Variants in SLC27A4 observed in about 807,000 individuals in gnomAD.
The protein encoded by SLC27A4 is solute carrier family 27 member 4, also known as long-chain fatty acid transport protein 4.
Under a neutral mutation model 64.4 loss-of-function variants are expected in SLC27A4, and 33 were observed. That is an observed-to-expected ratio of 0.51 (90% CI 0.39 to 0.68). SLC27A4 has a LOEUF of 0.68. SLC27A4 is among the 30% of genes least tolerant of loss of function. The pLI, the probability that SLC27A4 is intolerant of heterozygous loss-of-function variation, is 0.00. For missense variants in SLC27A4, 824 were observed against 883.5 expected (o/e 0.93, Z 0.85); for synonymous variants, 377 against 370.0 (o/e 1.02, Z -0.22).
At chr9:128,358,472 C>T (rs1231952425) in intron 12 of SLC27A4, among the ~76,000 whole-genome samples, 1 of 152,134 alleles carries the variant, frequency 6.6e-6, no homozygotes, top group East Asian at 1.9e-4. Context: ...GAGATGGAGT[C>T]TTGCTCTATC....
chr9:128,352,265 G>A (rs1832748364), intron 6 of SLC27A4, among the ~76,000 whole-genome samples: 1 of 152,170 alleles, frequency 6.6e-6, no homozygotes, highest in Admixed American at 6.5e-5. Context: ...GTGTGTGGCA[G>A]TGTCCCACGG....
In SLC27A4 at chr9:128,343,212, T is replaced by A. The variant is rs762577878; in HGVS notation, c.80T>A (p.Phe27Tyr). ...VLKLPWTQVG[F>Y]SLLFLYLGSG... Reference sequence around the variant, plus strand: ...AAACTGCCCTGGACCCAGGTGGGATTCTCCCTGTTGTTCCTCTACTTGGGA... The same window carrying A: ...AAACTGCCCTGGACCCAGGTGGGATACTCCCTGTTGTTCCTCTACTTGGGA... The change falls in exon 2 of 13, where the codon TTC becomes TAC. Residue 27 changes from phenylalanine (F) to tyrosine (Y), a missense_variant. Transcript: ENST00000300456. 1 of 1,614,072 alleles carries A rather than the reference T, an allele frequency of 6.2e-7. No homozygotes were observed. Among genetic ancestry groups the A allele is most frequent in the Non-Finnish European group, 8.5e-7 (1 of 1,180,032 alleles).
intron 1 of SLC27A4, chr9:128,342,791 A>G (rs1447812605): frequency 6.6e-6 from 3 of 453,326 alleles, no homozygotes; most frequent in African/African-American, 6.0e-5. Context: ...GTCTCACTAC[A>G]CCCATTGCAC....
intron 12 of SLC27A4, among the ~76,000 whole-genome samples, chr9:128,357,812 G>A (rs1423679738): frequency 1.3e-5 from 2 of 152,210 alleles, no homozygotes; most frequent in Admixed American, 1.3e-4. Context: ...CGTCATATCA[G>A]TCCTGCCTTG....
intron 1 of SLC27A4, chr9:128,342,231 C>T (rs997372477): frequency 6.8e-6 from 11 of 1,610,026 alleles, no homozygotes; most frequent in Non-Finnish European, 9.3e-6. Flanking sequence ...CCTCCGCAAC[C>T]ATGTCTGACA....
chr9:128,360,412 T>A lies in SLC27A4; in HGVS notation c.1853T>A (p.Leu618Gln). ...ATTGTGAAAGACCCGCTGTTCTATC[T>A]AGATGCCCAGAAGGGCCGCTACGTC... ...PAIVKDPLFY[L>Q]DAQKGRYVPL... Residue 618 changes from leucine to glutamine, a missense_variant, in exon 13 of 13, where the codon CTA becomes CAA. Coordinates refer to ENST00000300456, the MANE Select transcript of SLC27A4 (RefSeq NM_005094.4). The A allele has an allele frequency of 1.9e-6, 3 of 1,614,114 alleles. No homozygotes were observed. Among genetic ancestry groups the A allele is most frequent in the Non-Finnish European group, 2.5e-6 (3 of 1,180,016 alleles).
At chr9:128,347,398 G>A (rs1422577088) in intron 3 of SLC27A4, among the ~76,000 whole-genome samples, 1 of 152,148 alleles carries the variant, frequency 6.6e-6, no homozygotes, top group Non-Finnish European at 1.5e-5. Context: ...CCACACTGTT[G>A]TGGTTGTGGG....
At chr9:128,357,321 C>G (rs1480896979) in intron 12 of SLC27A4, among the ~76,000 whole-genome samples, 2 of 150,268 alleles carry the variant, frequency 1.3e-5, no homozygotes, top group African/African-American at 4.9e-5. Flanking sequence ...AATCCAGCGA[C>G]TCGGGAGGCT....
At position 128,343,310 on chromosome 9, in the gene SLC27A4, G is replaced by C. The variant is rs143662747; in HGVS notation, c.161+17G>C. Reference sequence around the variant, plus strand: ...CGATATCTTGTGAGTACCTGGCCCAGCCTTTCCTGGGGTCTGCCACACTAC... The same window carrying C: ...CGATATCTTGTGAGTACCTGGCCCACCCTTTCCTGGGGTCTGCCACACTAC... On this transcript the variant is annotated intron_variant, in intron 2 of 12. Transcript: ENST00000300456. The C allele has an allele frequency of 6.2e-6, 10 of 1,614,028 alleles. No individual in the cohort carries two copies. In the African/African-American group the frequency reaches 1.1e-4, roughly 17 times the overall value.
intron 9 of SLC27A4, among the ~76,000 whole-genome samples, chr9:128,354,322 A>T (rs1314256245): frequency 6.6e-6 from 1 of 151,976 alleles, no homozygotes. Context: ...TCAGCTCCTT[A>T]GCTCTGTGTC....
intron 4 of SLC27A4, among the ~76,000 whole-genome samples, chr9:128,349,087 A>G (rs12378804): frequency 6.6e-6 from 1 of 152,136 alleles, no homozygotes; most frequent in Non-Finnish European, 1.5e-5. Context: ...TTGTATATTC[A>G]TCAAGTGCCT....
chr9:128,346,048 G>A (rs1019826746), intron 3 of SLC27A4, among the ~76,000 whole-genome samples: 2 of 151,790 alleles, frequency 1.3e-5, no homozygotes, highest in Non-Finnish European at 2.9e-5. Context: ...CCACAGACAT[G>A]CACCACCATG....
chr9:128,352,576 G>A, intron 6 of SLC27A4, 62 bp from the exon 7 acceptor site: 1 of 1,328,112 alleles, frequency 7.5e-7, no homozygotes, highest in Non-Finnish European at 1.1e-6. Flanking sequence ...CAGTATCACT[G>A]ATTTGGGGCC....
rs940516256 is a variant in SLC27A4 at position 128,361,323 on chromosome 9, G to C, written c.*832G>C. On this transcript the variant is annotated 3_prime_UTR_variant, in exon 13 of 13. Transcript: ENST00000300456. ...CGCCAACCCCCTGGCCCATTGACCC[G>C]CCTCATCTGTTCATTCACTTATCTA... 6.6e-6 allele frequency: 1 copy of C among 152,570 alleles called. No individual in the cohort carries two copies. The highest frequency in any genetic ancestry group is 1.5e-5 in the Non-Finnish European group (1 of 68,166). The allele number at this position is 152,570 out of a possible 1,614,324, so 9.5% of individuals were successfully genotyped here.
At chr9:128,347,451 G>A (rs903133761) in intron 3 of SLC27A4, among the ~76,000 whole-genome samples, 1 of 152,152 alleles carries the variant, frequency 6.6e-6, no homozygotes, top group South Asian at 2.1e-4. Context: ...AGGGGGCCTG[G>A]CATGGTGGCT....
In SLC27A4 at chr9:128,355,809, C is replaced by T. The variant is rs1487759000; in HGVS notation, c.1774+13C>T. On this transcript the variant is annotated intron_variant, in intron 12 of 12. Coordinates refer to ENST00000300456, the MANE Select transcript of SLC27A4 (RefSeq NM_005094.4). ...CTGCACAAAACAGGTGTGTCCCTCC[C>T]CTGCTCCAGCTCTCGGATCCCAGGT... is the stretch of plus-strand genomic sequence containing the variant. 9 of 1,612,370 alleles carry T rather than the reference C, an allele frequency of 5.6e-6. No individual in the cohort carries two copies. Among genetic ancestry groups the T allele is most frequent in the Non-Finnish European group, 6.8e-6 (8 of 1,180,040 alleles).
chr9:128,342,686 T>A, intron 1 of SLC27A4: 1 of 208,536 alleles, frequency 4.8e-6, no homozygotes, highest in South Asian at 8.0e-5. Context: ...CAGAGTGCCA[T>A]TTTTTTTTTT....
chr9:128,357,716 C>G (rs1178087355), intron 12 of SLC27A4, among the ~76,000 whole-genome samples: 1 of 152,234 alleles, frequency 6.6e-6, no homozygotes, highest in Non-Finnish European at 1.5e-5. Flanking sequence ...CCTGCCCCTG[C>G]TTTCCTCAGC....
intron 1 of SLC27A4, among the ~76,000 whole-genome samples, chr9:128,341,945 G>A (rs898089236): frequency 1.3e-5 from 2 of 152,114 alleles, no homozygotes; most frequent in African/African-American, 4.8e-5. Context: ...CACCATCTTG[G>A]TCAGGGTGGT....
Sources: gnomAD v4.1 joint callset for allele counts (sites outside exome capture counted in the v4.1 genomes callset) on GRCh38, gnomAD v4.1.1 for gene constraint, MANE v1.5 for transcripts, NCBI Gene and HGNC (gene_info 2026-07-23, HGNC 2026-07-21) for gene names.